Variants in BAG1 observed in about 807,000 individuals in gnomAD.
BAG1 encodes BAG family molecular chaperone regulator 1.
Under a neutral mutation model 35.5 loss-of-function variants are expected in BAG1, and 35 were observed. The observed-to-expected ratio is 0.99, with a 90% CI of 0.75 to 1.31. The LOEUF is 1.31. Among genes scored for constraint, BAG1 ranks in the 50% most tolerant of loss-of-function variants. The probability of loss-of-function intolerance (pLI) is 0.00; values close to 1 mark genes in which losing one functional copy is unlikely to be tolerated. For missense variants in BAG1, 464 were observed against 453.6 expected (o/e 1.02, Z -0.21); for synonymous variants, 191 against 178.9 (o/e 1.07, Z -0.54).
chr9:33,262,866 C>T (rs764566930), intron 1 of BAG1, 36 bp from the exon 2 acceptor site: 1 of 1,609,760 alleles, frequency 6.2e-7, no homozygotes, highest in South Asian at 1.1e-5. Context: ...GAATATGATT[C>T]TTTCACATAC....
In BAG1 at chr9:33,264,551, G is replaced by A. The variant is rs1315016733; in HGVS notation, c.124C>T (p.Pro42Ser). 2 of 1,507,532 alleles carry A rather than the reference G, an allele frequency of 1.3e-6. No homozygotes were observed. Among genetic ancestry groups the A allele is most frequent in the South Asian group, 1.3e-5 (1 of 78,520 alleles). 93.4% of individuals were successfully genotyped at this position (1,507,532 alleles called of 1,614,324 possible). The change falls in exon 1 of 7, where the codon CCT becomes TCT. Residue 42 changes from proline (P) to serine (S), a missense_variant. Coordinates refer to ENST00000634734, the MANE Select transcript of BAG1 (RefSeq NM_004323.6). ...CGGGCAGGTGGACGCCCAGAGGGAG[G>A]CGGACCACGCTGGGCCGGGGGCTCC...
chr9:33,260,497 C>T (rs1309973426), intron 3 of BAG1: 1 of 152,240 alleles, frequency 6.6e-6, no homozygotes, highest in Admixed American at 6.5e-5. Context: ...AGCCACCTAA[C>T]TCACAATAAG....
Position 33,264,335 on chromosome 9 carries a change from C to T in BAG1, c.340G>A (p.Glu114Lys). 2 of 1,613,558 alleles carry T rather than the reference C, an allele frequency of 1.2e-6. No homozygotes were observed. Among genetic ancestry groups the T allele is most frequent in the East Asian group, 2.2e-5 (1 of 44,838 alleles). ...ACCTCCTGGCTCCGATTCATCTCTTCGCCCTGGGTCGCCTCCTCACTCTGG... is the reference window on the plus strand; with the variant it reads ...ACCTCCTGGCTCCGATTCATCTCTTTGCCCTGGGTCGCCTCCTCACTCTGG... The change falls in exon 1 of 7, where the codon GAA (glutamate) becomes AAA (lysine). Residue 114 changes from glutamate to lysine, a missense_variant. Physicochemically the swap from Glu to Lys is moderately conservative, Grantham distance 56 (BLOSUM62 1). Coordinates refer to ENST00000634734, the MANE Select transcript of BAG1 (RefSeq NM_004323.6).
intron 1 of BAG1, 45 bp downstream of exon 1, chr9:33,264,179 G>A (rs539204794): frequency 5.2e-6 from 8 of 1,542,368 alleles, no homozygotes; most frequent in Admixed American, 1.9e-5. Context: ...GACCCCGCCG[G>A]GCTTTCGGGA....
chr9:33,261,253 A>G (rs1169921433), intron 2 of BAG1, 84 bp from the exon 3 acceptor site: 5 of 1,029,374 alleles, frequency 4.9e-6, no homozygotes, highest in Non-Finnish European at 7.3e-6. Context: ...GAAATAGACA[A>G]GTGTGTTCAC....
At chr9:33,260,295 A>G (rs1438039607) in intron 3 of BAG1, 1 of 152,218 alleles carries the variant, frequency 6.6e-6, no homozygotes, top group African/African-American at 2.4e-5. Context: ...CTGAAGCAAG[A>G]AATTTAGAAT....
chr9:33,255,722 G>A (rs1820438807), intron 6 of BAG1, 143 bp downstream of exon 6: 12 of 851,544 alleles, frequency 1.4e-5, no homozygotes, highest in Middle Eastern at 2.2e-4. Context: ...CTTCTCTGAC[G>A]TTTGGGGTTC....
intron 3 of BAG1, chr9:33,260,004 T>C (rs1820535751): frequency 6.6e-6 from 1 of 152,198 alleles, no homozygotes. Context: ...TTCAGACTTT[T>C]TTCTTTTTTG....
rs900922101 is a variant in BAG1 at position 33,255,036 on chromosome 9, T to C, written c.*183A>G. 10 of 1,539,100 alleles carry C rather than the reference T, an allele frequency of 6.5e-6. No homozygotes were observed. Among genetic ancestry groups the C allele is most frequent in the Middle Eastern group, 1.7e-4 (1 of 5,918 alleles). Reference sequence around the variant, plus strand: ...CACAGAGACAGAAGGAGAAAACAGATAGGAGCTTTACTCAAAATCACAAAG... The same window carrying C: ...CACAGAGACAGAAGGAGAAAACAGACAGGAGCTTTACTCAAAATCACAAAG... On this transcript the variant is annotated 3_prime_UTR_variant, in exon 7 of 7. Coordinates refer to ENST00000634734, the MANE Select transcript of BAG1 (RefSeq NM_004323.6).
intron 4 of BAG1, chr9:33,257,539 G>A (rs775608163): frequency 3.3e-5 from 5 of 152,158 alleles, no homozygotes; most frequent in Admixed American, 2.0e-4. Context: ...TCACAGCCAC[G>A]AGCTACAGAC....
chr9:33,258,376 A>G (rs1820501539), intron 4 of BAG1, among the ~76,000 whole-genome samples: 2 of 151,362 alleles, frequency 1.3e-5, no homozygotes, highest in Non-Finnish European at 2.9e-5. Flanking sequence ...GGAAAAATAA[A>G]TAAAAGTGGT....
chr9:33,264,384 T>TTCCTCACTCAGGGTCAAC lies in BAG1; in HGVS notation c.273_290dup (p.Leu92_Glu97dup). On this transcript the variant is annotated inframe_insertion, in exon 1 of 7. Coordinates refer to ENST00000634734, the MANE Select transcript of BAG1 (RefSeq NM_004323.6). ...GGGTCGCCTCTTCACTCCAGGTCGCTTCCTCACTCAGGGTCAACTCCTCGC... is the reference window on the plus strand; with the variant it reads ...GGGTCGCCTCTTCACTCCAGGTCGCTTCCTCACTCAGGGTCAACTCCTCACTCAGGGTCAACTCCTCGC... 1 of 1,609,952 alleles carries TTCCTCACTCAGGGTCAAC rather than the reference T, an allele frequency of 6.2e-7. No individual in the cohort carries two copies. The highest frequency in any genetic ancestry group is 8.5e-7 in the Non-Finnish European group (1 of 1,178,608).
intron 1 of BAG1, 77 bp downstream of exon 1, chr9:33,264,147 A>T: frequency 6.8e-7 from 1 of 1,479,884 alleles, no homozygotes; most frequent in East Asian, 2.5e-5. Flanking sequence ...ACGCTTCTGG[A>T]GGACACGTGA....
chr9:33,262,118 A>G (rs1326424856), intron 2 of BAG1: 1 of 1,289,418 alleles, frequency 7.8e-7, no homozygotes. Context: ...GCGAGGGAAG[A>G]CTGCCCATGA....
intron 5 of BAG1, 144 bp downstream of exon 5, chr9:33,256,657 C>G: frequency 1.5e-6 from 1 of 670,030 alleles, no homozygotes; most frequent in Non-Finnish European, 2.5e-6. Flanking sequence ...GACCTAGCAA[C>G]ATGACTGGCA....
rs1347386722 is a variant in BAG1, at chr9:33,264,504, G to A, written c.171C>T (p.Asp57=). 1 of 1,604,916 alleles carries A rather than the reference G, an allele frequency of 6.2e-7. No homozygotes were observed. Among genetic ancestry groups the A allele is most frequent in the Non-Finnish European group, 8.5e-7 (1 of 1,177,014 alleles). ...CGGCGGCGGCGCCCCTGGTGGGTCG[G>A]TCATGCCCGCTGGCAGTACTCCGGG... The change falls in exon 1 of 7, where the codon GAC becomes GAT. Residue 57 remains aspartate (D), a synonymous_variant. Transcript: ENST00000634734.
At position 33,255,133 on chromosome 9, in the gene BAG1, T is replaced by C. The variant is rs756170976; in HGVS notation, c.*86A>G. ...AATGGCCAGTTGCCCCCAGCAGCCC[T>C]GAAGAAATCAGGTAAATTCCGCTCC... On this transcript the variant is annotated 3_prime_UTR_variant, in exon 7 of 7. Coordinates refer to ENST00000634734, the MANE Select transcript of BAG1 (RefSeq NM_004323.6). 6.2e-7 allele frequency: 1 copy of C among 1,613,514 alleles called. No homozygotes were observed. Among genetic ancestry groups the C allele is most frequent in the Non-Finnish European group, 8.5e-7 (1 of 1,179,728 alleles).
rs112137387 is a variant in BAG1, at chr9:33,252,637, G to A, written c.*2582C>T. 2.6e-5 allele frequency: 4 copies of A among 151,746 alleles called. No homozygotes were observed. Among genetic ancestry groups the A allele is most frequent in the African/African-American group, 9.7e-5 (4 of 41,350 alleles). 9.4% of individuals were successfully genotyped at this position (151,746 alleles called of 1,614,324 possible). On this transcript the variant is annotated 3_prime_UTR_variant, in exon 7 of 7. Transcript: ENST00000634734. ...ATAATGCTGTTACCAAGATAAAGAA[G>A]CTCCTTCACCCAAGGAACCCTGGTG...
At chr9:33,255,342 C>T (rs766652384) in intron 6 of BAG1, 34 bp from the exon 7 acceptor site, 21 of 1,613,576 alleles carry the variant, frequency 1.3e-5, no homozygotes, top group Non-Finnish European at 1.7e-5. Flanking sequence ...AAGGGCCCAT[C>T]CAGGGGTAGC....
Sources: allele counts gnomAD v4.1 joint callset (sites outside exome capture counted in the v4.1 genomes callset), GRCh38; gene constraint gnomAD v4.1.1; transcripts MANE v1.5; gene names NCBI Gene and HGNC (gene_info 2026-07-23, HGNC 2026-07-21).